Variants in ZNF618 observed in about 807,000 individuals in gnomAD.
ZNF618 encodes the protein neural precursor cell expressed, developmentally down-regulated 10.
Under a neutral mutation model 103.0 loss-of-function variants are expected in ZNF618, and 34 were observed. The ratio of observed to expected loss-of-function variants is 0.33; its 90% CI spans 0.25 to 0.44. ZNF618 has a LOEUF of 0.44. ZNF618 is among the 20% of genes least tolerant of loss of function. The pLI, the probability that ZNF618 is intolerant of heterozygous loss-of-function variation, is 1.00. For synonymous variants in ZNF618, 551 were observed against 542.2 expected, an observed-to-expected ratio of 1.02 and a Z score of -0.23; for missense variants, 1,059 against 1,295.4, an observed-to-expected ratio of 0.82 and a Z score of 2.80.
intron 4 of ZNF618, among the ~76,000 whole-genome samples, chr9:114,001,457 C>T (rs951416357): frequency 1.3e-5 from 2 of 152,138 alleles, no homozygotes; most frequent in African/African-American, 4.8e-5. Flanking sequence ...TCCCATTCTG[C>T]AGATCAGCAG....
intron 1 of ZNF618, among the ~76,000 whole-genome samples, chr9:113,934,789 C>T (rs942675198): frequency 3.9e-5 from 6 of 152,198 alleles, no homozygotes; most frequent in Non-Finnish European, 7.3e-5. Context: ...TCGAGGCAGA[C>T]GTGTGGAGTC....
chr9:113,986,043 A>T (rs1839441252), intron 2 of ZNF618, among the ~76,000 whole-genome samples: 1 of 152,212 alleles, frequency 6.6e-6, no homozygotes, highest in Non-Finnish European at 1.5e-5. Context: ...CCCTGATGGG[A>T]CAGACACATG....
At chr9:114,002,518 C>A in intron 5 of ZNF618, 106 bp from the exon 6 acceptor site, 1 of 1,300,840 alleles carries the variant, frequency 7.7e-7, no homozygotes, top group Non-Finnish European at 1.1e-6. Context: ...CGGTGCGGGA[C>A]TGTGAGCTCT....
At chr9:114,030,942 A>G (rs139975709) in intron 11 of ZNF618, 89 of 152,308 alleles carry the variant, frequency 5.8e-4, no homozygotes, top group African/African-American at 2.1e-3. Flanking sequence ...CAGTCACCCA[A>G]CGTACACAAG....
chr9:113,896,561 T>A (rs1830058335), intron 1 of ZNF618, among the ~76,000 whole-genome samples: 1 of 151,996 alleles, frequency 6.6e-6, no homozygotes, highest in Admixed American at 6.6e-5. Flanking sequence ...TAATTTCTGT[T>A]TTTAGGATTT....
intron 2 of ZNF618, among the ~76,000 whole-genome samples, chr9:113,983,809 A>G (rs1055196978): frequency 6.6e-6 from 1 of 152,162 alleles, no homozygotes; most frequent in Non-Finnish European, 1.5e-5. Flanking sequence ...GCCTTTGGAT[A>G]GGGCCTCTCC....
chr9:113,933,283 G>A (rs1833758081), intron 1 of ZNF618, among the ~76,000 whole-genome samples: 1 of 152,188 alleles, frequency 6.6e-6, no homozygotes, highest in Non-Finnish European at 1.5e-5. Flanking sequence ...CAGAGTTAGG[G>A]GCATGTTCCC....
At chr9:113,898,053 A>G (rs1216127845) in intron 1 of ZNF618, among the ~76,000 whole-genome samples, 1 of 152,144 alleles carries the variant, frequency 6.6e-6, no homozygotes, top group African/African-American at 2.4e-5. Context: ...TCAGCCTCCC[A>G]AAGTGCTGGC....
chr9:114,018,403 C>T (rs1842812477), intron 10 of ZNF618, among the ~76,000 whole-genome samples: 1 of 152,250 alleles, frequency 6.6e-6, no homozygotes. Context: ...TGCCCTGCTC[C>T]CTGGTGCCCA....
chr9:113,926,669 C>T (rs893041782), intron 1 of ZNF618, among the ~76,000 whole-genome samples: 8 of 152,136 alleles, frequency 5.3e-5, no homozygotes, highest in African/African-American at 1.9e-4. Context: ...GCAGTTCTTG[C>T]ATGTTGTCCA....
intron 1 of ZNF618, among the ~76,000 whole-genome samples, chr9:113,939,361 G>A (rs1195224725): frequency 6.6e-6 from 1 of 151,894 alleles, no homozygotes; most frequent in African/African-American, 2.4e-5. Context: ...TTTTGGAGTT[G>A]CATTACTTTT....
intron 2 of ZNF618, among the ~76,000 whole-genome samples, chr9:113,969,774 C>A (rs1047248570): frequency 6.6e-6 from 1 of 152,172 alleles, no homozygotes; most frequent in African/African-American, 2.4e-5. Context: ...AATGTTAACA[C>A]CCATGCTGCC....
intron 11 of ZNF618, chr9:114,030,741 A>G (rs1843945128): frequency 6.6e-6 from 1 of 152,236 alleles, no homozygotes; most frequent in South Asian, 2.1e-4. Context: ...GTGGCCCTTC[A>G]TGTGTGTATG....
In ZNF618 at chr9:114,009,317, T is replaced by C. The variant is rs1588324528; in HGVS notation, c.754+763T>C. Among the ~76,000 whole-genome samples, 3 of 152,178 alleles carry C rather than the reference T, an allele frequency of 2.0e-5. No individual in the cohort carries two copies. In the East Asian group the frequency reaches 5.8e-4, roughly 29 times the overall value. The stretch of plus-strand genomic sequence containing the variant: ...GAGCCCCAGCATCCCATGCCAAGGC[T>C]GGAGAGCCCTGCTGGTCCCGAAAAT... On this transcript the variant is annotated intron_variant, in intron 9 of 14. Transcript: ENST00000374126.
At chr9:114,034,339 G>A (rs928049431) in intron 12 of ZNF618, among the ~76,000 whole-genome samples, 1 of 152,148 alleles carries the variant, frequency 6.6e-6, no homozygotes, top group Non-Finnish European at 1.5e-5. Flanking sequence ...GTCTCCAGAT[G>A]TGCCCTGTGC....
At chr9:114,040,752 C>T (rs1038615324) in intron 13 of ZNF618, among the ~76,000 whole-genome samples, 4 of 152,174 alleles carry the variant, frequency 2.6e-5, no homozygotes, top group African/African-American at 9.7e-5. Context: ...TGGGTTGGTT[C>T]CAAGTCTTTG....
chr9:113,876,397 G>A lies in ZNF618; in HGVS notation c.17G>A (p.Gly6Asp). The stretch of plus-strand genomic sequence containing the variant: ...CACGGACCCATGAACCAGCCGGGCG[G>A]CGCGGCGGCTCCGCAGGTACGACGG... MNQPG[G>D]AAAPQADGAS... Residue 6 changes from glycine to aspartate, a missense_variant, in exon 1 of 15, where the codon GGC becomes GAC. Physicochemically the swap from Gly to Asp is moderately conservative, Grantham distance 94 (BLOSUM62 -1). This residue lies in a region of ZNF618 where 194 missense variants were observed against 209.0 expected (regional missense o/e 0.93). Transcript: ENST00000374126. The A allele has an allele frequency of 8.3e-7, 1 of 1,200,004 alleles. No homozygotes were observed. The highest frequency in any genetic ancestry group is 1.0e-6 in the Non-Finnish European group (1 of 967,722). 74.3% of individuals were successfully genotyped at this position (1,200,004 alleles called of 1,614,324 possible).
At chr9:114,041,891 T>C (rs1308140301) in intron 13 of ZNF618, among the ~76,000 whole-genome samples, 1 of 152,246 alleles carries the variant, frequency 6.6e-6, no homozygotes, top group African/African-American at 2.4e-5. Context: ...TTGATGGGGA[T>C]GGCATTGAAT....
chr9:114,031,299 G>T (rs1489883970), intron 11 of ZNF618, among the ~76,000 whole-genome samples: 1 of 151,992 alleles, frequency 6.6e-6, no homozygotes, highest in Non-Finnish European at 1.5e-5. Flanking sequence ...GATGCTCCCT[G>T]GGACTCTCAG....
Sources: gnomAD v4.1 joint callset for allele counts (sites outside exome capture counted in the v4.1 genomes callset) on GRCh38, gnomAD v4.1.1 for gene constraint, gnomAD v4.1.1 regional missense constraint, MANE v1.5 for transcripts, NCBI Gene and HGNC (gene_info 2026-07-23, HGNC 2026-07-21) for gene names.